EGFLAM: variants seen among roughly 807,000 people sequenced by gnomAD.
EGFLAM encodes pikachurin.
In EGFLAM, 79 loss-of-function variants were observed where a neutral mutation model predicts 113.1. The observed-to-expected ratio is 0.70, with a 90% CI of 0.58 to 0.84. The LOEUF (loss-of-function observed/expected upper bound fraction) is 0.84. Among genes scored for constraint, EGFLAM ranks in the 40% least tolerant of loss-of-function variants. EGFLAM has a pLI of 0.00. For synonymous variants in EGFLAM, 504 were observed against 487.6 expected (o/e 1.03, Z -0.44); for missense variants, 1,265 against 1,291.6 (o/e 0.98, Z 0.32).
intron 1 of EGFLAM, among the ~76,000 whole-genome samples, chr5:38,282,955 C>T (rs1758055179): frequency 6.6e-6 from 1 of 152,090 alleles, no homozygotes; most frequent in South Asian, 2.1e-4. Flanking sequence ...AGTGATCCTC[C>T]CACCTCAGCC....
intron 11 of EGFLAM, among the ~76,000 whole-genome samples, chr5:38,414,597 G>A (rs1481835927): frequency 6.6e-6 from 1 of 152,138 alleles, no homozygotes; most frequent in Non-Finnish European, 1.5e-5. Context: ...CCTCCGAGAG[G>A]ATTACATTCA....
At position 38,344,241 on chromosome 5, in the gene EGFLAM, T is replaced by C. The variant is rs111461082; in HGVS notation, c.291+5460T>C. Reference sequence around the variant, plus strand: ...TGGCCCACGCCTGTAATCCCAGCACTTTGGGAGGCTGAGGTGGGCAGATCA... The same window carrying C: ...TGGCCCACGCCTGTAATCCCAGCACCTTGGGAGGCTGAGGTGGGCAGATCA... On this transcript the variant is annotated intron_variant, in intron 3 of 21. Coordinates refer to ENST00000322350, the MANE Select transcript of EGFLAM (RefSeq NM_152403.4). 5.7e-3 allele frequency among the ~76,000 whole-genome samples: 866 copies of C among 152,328 alleles called. 7 individuals are homozygous for C. Among genetic ancestry groups the C allele is most frequent in the Non-Finnish European group, 9.8e-3 (670 of 68,030 alleles).
At chr5:38,439,073 G>C (rs1043641319) in intron 17 of EGFLAM, among the ~76,000 whole-genome samples, 1 of 152,160 alleles carries the variant, frequency 6.6e-6, no homozygotes, top group Non-Finnish European at 1.5e-5. Context: ...GACTAAATGA[G>C]ACAATGGATC....
chr5:38,412,669 C>T, intron 11 of EGFLAM, 21 bp downstream of exon 11: 1 of 1,610,674 alleles, frequency 6.2e-7, no homozygotes, highest in Non-Finnish European at 8.5e-7. Flanking sequence ...GCCCCACACC[C>T]TGCCCACCCC....
At chr5:38,371,617 C>T (rs1030586171) in intron 6 of EGFLAM, among the ~76,000 whole-genome samples, 4 of 151,310 alleles carry the variant, frequency 2.6e-5, no homozygotes, top group Admixed American at 2.6e-4. Flanking sequence ...CATGCGCACA[C>T]ACACATACAC....
chr5:38,337,770 C>G (rs1346237253), intron 2 of EGFLAM, 141 bp downstream of exon 2: 1 of 719,102 alleles, frequency 1.4e-6, no homozygotes, highest in African/African-American at 1.8e-5. Context: ...AAGAAATGTC[C>G]CGCTTTGGAG....
chr5:38,464,169 C>T lies in EGFLAM; in HGVS notation c.*183C>T. 1 of 718,298 alleles carries T rather than the reference C, an allele frequency of 1.4e-6. No homozygotes were observed. The highest frequency in any genetic ancestry group is 2.7e-5 in the East Asian group (1 of 36,482). The allele number at this position is 718,298 out of a possible 1,614,324, so 44.5% of individuals were successfully genotyped here. On this transcript the variant is annotated 3_prime_UTR_variant, in exon 22 of 22. Coordinates refer to ENST00000322350, the MANE Select transcript of EGFLAM (RefSeq NM_152403.4). ...AGGCATCCCTGGGTGGCCTTTCCTG[C>T]TGACACTCCACGAGCTGACCCAGCA... is the stretch of plus-strand genomic sequence containing the variant.
chr5:38,402,494 A>G (rs761029365), intron 6 of EGFLAM, among the ~76,000 whole-genome samples: 2 of 152,230 alleles, frequency 1.3e-5, no homozygotes, highest in Non-Finnish European at 2.9e-5. Context: ...TAATTTTCTC[A>G]AATTCTAGGA....
intron 6 of EGFLAM, among the ~76,000 whole-genome samples, chr5:38,394,065 T>A (rs1360036829): frequency 6.6e-6 from 1 of 152,046 alleles, no homozygotes; most frequent in African/African-American, 2.4e-5. Flanking sequence ...CCGTCTGAAG[T>A]TAGCCATCTA....
intron 9 of EGFLAM, among the ~76,000 whole-genome samples, chr5:38,408,437 C>CAATG (rs1741364034): frequency 6.6e-6 from 1 of 152,096 alleles, no homozygotes; most frequent in East Asian, 1.9e-4. Flanking sequence ...TGGGTATCTC[C>CAATG]AATGATACAA....
At chr5:38,386,698 G>T (rs1364826745) in intron 6 of EGFLAM, among the ~76,000 whole-genome samples, 1 of 151,890 alleles carries the variant, frequency 6.6e-6, no homozygotes, top group East Asian at 1.9e-4. Flanking sequence ...GTAGAGACGG[G>T]GTTTCACCGT....
At chr5:38,311,910 A>C (rs564689151) in intron 1 of EGFLAM, among the ~76,000 whole-genome samples, 1 of 152,310 alleles carries the variant, frequency 6.6e-6, no homozygotes, top group East Asian at 1.9e-4. Context: ...AAAAGAGAGA[A>C]GTATGGGACT....
chr5:38,329,159 C>T (rs963307125), intron 1 of EGFLAM, among the ~76,000 whole-genome samples: 4 of 151,806 alleles, frequency 2.6e-5, no homozygotes, highest in African/African-American at 9.7e-5. Context: ...TGTGGTGGCA[C>T]GTGACTGTAG....
chr5:38,297,648 G>T (rs1029912084), intron 1 of EGFLAM, among the ~76,000 whole-genome samples: 1 of 152,164 alleles, frequency 6.6e-6, no homozygotes, highest in Admixed American at 6.5e-5. Context: ...TTGACCCTGA[G>T]CCTGTCCTCG....
intron 5 of EGFLAM, among the ~76,000 whole-genome samples, chr5:38,364,857 G>A (rs940007013): frequency 2.0e-5 from 3 of 152,106 alleles, no homozygotes; most frequent in Non-Finnish European, 4.4e-5. Flanking sequence ...GGAATAATGT[G>A]AGAGAAAATA....
chr5:38,453,591 A>G (rs1742990705), intron 19 of EGFLAM, among the ~76,000 whole-genome samples: 1 of 152,146 alleles, frequency 6.6e-6, no homozygotes, highest in African/African-American at 2.4e-5. Flanking sequence ...GCTTCTCACC[A>G]TCTCTGCCTT....
At chr5:38,403,557 G>T in intron 6 of EGFLAM, 1 of 334,092 alleles carries the variant, frequency 3.0e-6, no homozygotes, top group Non-Finnish European at 5.7e-6. Flanking sequence ...TGAGACGGCT[G>T]CAGACCATGG....
intron 1 of EGFLAM, among the ~76,000 whole-genome samples, 188 bp downstream of exon 1, chr5:38,259,039 G>A (rs1179158902): frequency 6.6e-6 from 1 of 152,222 alleles, no homozygotes; most frequent in African/African-American, 2.4e-5. Flanking sequence ...GCGGCGCTAG[G>A]GATATTTATT....
At chr5:38,401,845 T>A (rs990603518) in intron 6 of EGFLAM, 6 of 152,208 alleles carry the variant, frequency 3.9e-5, no homozygotes, top group African/African-American at 1.4e-4. Context: ...TGTGTTGACT[T>A]TATCAAGCAA....
Sources: allele counts gnomAD v4.1 joint callset (sites outside exome capture counted in the v4.1 genomes callset), GRCh38; gene constraint gnomAD v4.1.1; transcripts MANE v1.5; gene names NCBI Gene and HGNC (gene_info 2026-07-23, HGNC 2026-07-21).